The following MAP2K6 variants were observed in gnomAD, a reference collection of about 807,000 sequenced individuals.
The protein encoded by MAP2K6 is dual specificity mitogen-activated protein kinase kinase 6.
A neutral mutation model predicts 53.7 loss-of-function variants in MAP2K6; 16 were observed. The ratio of observed to expected loss-of-function variants is 0.30; its 90% CI spans 0.20 to 0.45. MAP2K6 has a LOEUF of 0.45. Ranked by LOEUF, MAP2K6 falls within the 20% of genes least tolerant of loss-of-function variation. The pLI, the probability that MAP2K6 is intolerant of heterozygous loss-of-function variation, is 1.00. For synonymous variants in MAP2K6, 132 were observed against 143.1 expected (o/e 0.92, Z 0.55); for missense variants, 204 against 411.9 (o/e 0.50, Z 4.37).
chr17:69,416,521 CTCAT>C (rs1905906991), intron 1 of MAP2K6, among the ~76,000 whole-genome samples: 1 of 152,126 alleles, frequency 6.6e-6, no homozygotes, highest in East Asian at 1.9e-4. Flanking sequence ...TAAACATTCG[CTCAT>C]TCATTCAATT....
chr17:69,451,844 C>T (rs940759344), intron 1 of MAP2K6, among the ~76,000 whole-genome samples: 2 of 152,132 alleles, frequency 1.3e-5, no homozygotes, highest in African/African-American at 2.4e-5. Context: ...GGAGAAGGCT[C>T]AGCAACTAGA....
At chr17:69,491,055 C>CT (rs1420742494) in intron 1 of MAP2K6, among the ~76,000 whole-genome samples, 2 of 151,980 alleles carry the variant, frequency 1.3e-5, no homozygotes, top group African/African-American at 4.8e-5. Flanking sequence ...TGATCTCGTT[C>CT]TTTTTTTATG....
At chr17:69,446,860 GTT>G (rs72215299) in intron 1 of MAP2K6, among the ~76,000 whole-genome samples, 80,758 of 148,062 alleles carry the variant, frequency 0.55, 21,944 homozygotes, top group African/African-American at 0.62. Context: ...TAAGAATAAG[GTT>G]TTTTTTTTTT....
At chr17:69,446,962 TATAACCTCTGTTTC>T in intron 1 of MAP2K6, among the ~76,000 whole-genome samples, 1 of 150,272 alleles carries the variant, frequency 6.7e-6, no homozygotes, top group Non-Finnish European at 1.5e-5. Flanking sequence ...TGTATTTTAT[TATAACCTCTGTTTC>T]TTTTTTTTTT....
intron 10 of MAP2K6, among the ~76,000 whole-genome samples, chr17:69,532,931 AT>A (rs527406655): frequency 6.3e-4 from 94 of 150,094 alleles, no homozygotes; most frequent in African/African-American, 1.9e-3. Context: ...AAATCTGGAG[AT>A]TTTTTTTTTC....
chr17:69,520,918 T>C, intron 6 of MAP2K6, 131 bp from the exon 7 acceptor site: 1 of 641,406 alleles, frequency 1.6e-6, no homozygotes, highest in Non-Finnish European at 2.7e-6. Context: ...TTTTCCTAGA[T>C]AGGACCACCA....
intron 2 of MAP2K6, among the ~76,000 whole-genome samples, chr17:69,510,170 A>G (rs1444645285): frequency 6.6e-6 from 1 of 152,132 alleles, no homozygotes; most frequent in East Asian, 1.9e-4. Flanking sequence ...ATGAATGGGT[A>G]TTGAATCTTG....
chr17:69,423,539 A>G (rs1906165742), intron 1 of MAP2K6, among the ~76,000 whole-genome samples: 1 of 152,192 alleles, frequency 6.6e-6, no homozygotes, highest in African/African-American at 2.4e-5. Flanking sequence ...GCTCCCAGAA[A>G]CATTCCTCTC....
chr17:69,508,347 G>A (rs763793544), intron 2 of MAP2K6, among the ~76,000 whole-genome samples: 4 of 152,016 alleles, frequency 2.6e-5, no homozygotes, highest in South Asian at 2.1e-4. Context: ...GATTATAGGC[G>A]TGAGCCACTG....
intron 1 of MAP2K6, among the ~76,000 whole-genome samples, chr17:69,459,725 A>G (rs1471581903): frequency 2.2e-4 from 33 of 151,116 alleles, no homozygotes; most frequent in African/African-American, 4.8e-4. Context: ...AAAAAAAAAA[A>G]AAAAAAAAAA....
intron 1 of MAP2K6, among the ~76,000 whole-genome samples, chr17:69,469,794 A>G (rs1259076517): frequency 1.3e-5 from 2 of 152,058 alleles, no homozygotes; most frequent in Non-Finnish European, 2.9e-5. Flanking sequence ...TAAAGAGAAA[A>G]GTATCTTTGG....
chr17:69,452,116 G>A (rs1053687232), intron 1 of MAP2K6, among the ~76,000 whole-genome samples: 1 of 151,898 alleles, frequency 6.6e-6, no homozygotes, highest in Admixed American at 6.6e-5. Flanking sequence ...GCTTCTCAAC[G>A]GAGGGTGGGA....
chr17:69,510,518 A>G (rs1183190106), intron 2 of MAP2K6, among the ~76,000 whole-genome samples: 1 of 152,200 alleles, frequency 6.6e-6, no homozygotes, highest in Non-Finnish European at 1.5e-5. Flanking sequence ...TTTGGTAGAC[A>G]TTGTATAATA....
rs1911770896 is a variant in MAP2K6, at chr17:69,543,890, T to A, written c.*2137T>A. 1 of 152,184 alleles carries A rather than the reference T, an allele frequency of 6.6e-6. No homozygotes were observed. The highest frequency in any genetic ancestry group is 1.5e-5 in the Non-Finnish European group (1 of 68,036). 9.4% of individuals were successfully genotyped at this position (152,184 alleles called of 1,614,324 possible). Reference sequence around the variant, plus strand: ...AATAGTAGAGTAGAGAAAAAGTTAGTCTATGGTTCTCAACCCTCGTGTACA... The same window carrying A: ...AATAGTAGAGTAGAGAAAAAGTTAGACTATGGTTCTCAACCCTCGTGTACA... On this transcript the variant is annotated 3_prime_UTR_variant, in exon 12 of 12. Coordinates refer to ENST00000590474, the MANE Select transcript of MAP2K6 (RefSeq NM_002758.4).
chr17:69,448,721 C>T lies in MAP2K6; in HGVS notation c.16+33721C>T, dbSNP rs118102066. ...TCAGTGAACTGATTGTTTGCGGGGC[C>T]GGATGTCCTCCTGCTGCTTTAACTC... On this transcript the variant is annotated intron_variant, in intron 1 of 11. Transcript: ENST00000590474. Among the ~76,000 whole-genome samples, 1,205 of 152,272 alleles carry T rather than the reference C, an allele frequency of 7.9e-3. 5 individuals are homozygous for T. The highest frequency in any genetic ancestry group is 0.02 in the South Asian group (96 of 4,822).
At chr17:69,530,579 C>T (rs1449609167) in intron 10 of MAP2K6, among the ~76,000 whole-genome samples, 1 of 152,128 alleles carries the variant, frequency 6.6e-6, no homozygotes, top group East Asian at 1.9e-4. Context: ...TACTTATCCT[C>T]AGTTTGACTT....
At chr17:69,478,007 G>C (rs566906466) in intron 1 of MAP2K6, among the ~76,000 whole-genome samples, 4 of 152,194 alleles carry the variant, frequency 2.6e-5, no homozygotes, top group Non-Finnish European at 5.9e-5. Context: ...ACAGGTAAAG[G>C]TGTTAAAGGT....
chr17:69,540,573 A>G (rs1331116358), intron 11 of MAP2K6, among the ~76,000 whole-genome samples: 2 of 152,242 alleles, frequency 1.3e-5, no homozygotes, highest in Admixed American at 1.3e-4. Flanking sequence ...TAGTGCAGAG[A>G]AAATGGCTTC....
At chr17:69,438,024 T>C (rs1906702478) in intron 1 of MAP2K6, among the ~76,000 whole-genome samples, 2 of 152,232 alleles carry the variant, frequency 1.3e-5, no homozygotes, top group African/African-American at 4.8e-5. Flanking sequence ...AAGTAGCCAA[T>C]AAATTACACG....
Sources: allele counts gnomAD v4.1 joint callset (sites outside exome capture counted in the v4.1 genomes callset), GRCh38; gene constraint gnomAD v4.1.1; transcripts MANE v1.5; gene names NCBI Gene and HGNC (gene_info 2026-07-23, HGNC 2026-07-21).